ATAD3A: variants seen among roughly 807,000 people sequenced by gnomAD.
ATAD3A encodes the protein ATPase family AAA domain containing 3A.
In ATAD3A, 46 loss-of-function variants were observed where a neutral mutation model predicts 73.8. The ratio of observed to expected loss-of-function variants is 0.62; its 90% CI spans 0.49 to 0.80. The LOEUF (loss-of-function observed/expected upper bound fraction) is 0.80, where lower values mean the gene tolerates loss of function less well. Among genes scored for constraint, ATAD3A ranks in the 30% least tolerant of loss-of-function variants. The probability of loss-of-function intolerance (pLI) is 0.00; values close to 1 mark genes in which losing one functional copy is unlikely to be tolerated. For missense variants in ATAD3A, 705 were observed against 838.0 expected, an observed-to-expected ratio of 0.84 and a Z score of 1.96; for synonymous variants, 319 against 350.0, an observed-to-expected ratio of 0.91 and a Z score of 0.99.
chr1:1,513,654 C>T (rs1641267672), intron 1 of ATAD3A, among the ~76,000 whole-genome samples: 1 of 152,136 alleles, frequency 6.6e-6, no homozygotes, highest in Admixed American at 6.5e-5. Flanking sequence ...CCTTCCTGGC[C>T]TCACTGCTGG....
intron 14 of ATAD3A, among the ~76,000 whole-genome samples, chr1:1,528,667 C>T (rs1272076868): frequency 6.6e-6 from 1 of 152,252 alleles, no homozygotes; most frequent in Non-Finnish European, 1.5e-5. Context: ...TGAGCAGAGG[C>T]TGCTCCACTT....
Position 1,524,042 on chromosome 1 carries a change from T to C in ATAD3A, c.1089+78T>C, listed in dbSNP as rs537566149. 2,830 of 1,604,956 alleles carry C rather than the reference T, an allele frequency of 1.8e-3. 25 individuals are homozygous for C. In the African/African-American group the frequency reaches 0.024, roughly 14 times the overall value. ...CCTGCAGGTGTCTGGGGGGCTCAGC[T>C]GCCTGGGGAATGGACCCCCCTTAGG... On this transcript the variant is annotated intron_variant, in intron 10 of 15. Transcript: ENST00000378756.
At chr1:1,516,968 TC>T in intron 2 of ATAD3A, 2 of 1,039,766 alleles carry the variant, frequency 1.9e-6, no homozygotes, top group Non-Finnish European at 2.7e-6. Context: ...CACTTTGGCC[TC>T]CCAAAGTGCT....
At chr1:1,532,944 C>A (rs1642083020) in intron 15 of ATAD3A, among the ~76,000 whole-genome samples, 3 of 152,204 alleles carry the variant, frequency 2.0e-5, no homozygotes, top group Non-Finnish European at 2.9e-5. Flanking sequence ...GCTCCCGGGC[C>A]CCCGACCCAC....
At chr1:1,525,141 G>A in intron 11 of ATAD3A, 99 bp from the exon 12 acceptor site, 1 of 1,511,028 alleles carries the variant, frequency 6.6e-7, no homozygotes, top group South Asian at 1.1e-5. Flanking sequence ...TGACCCCGTG[G>A]GGATCTGCCT....
intron 1 of ATAD3A, 24 bp downstream of exon 1, chr1:1,512,497 C>CGGGGCGGGGCGG (rs1557452502): frequency 1.4e-6 from 1 of 707,650 alleles, no homozygotes; most frequent in African/African-American, 5.4e-5. Flanking sequence ...GGCGGGGCGG[C>CGGGGCGGGGCGG]GCGGGCGGGC....
Position 1,522,904 on chromosome 1 carries a change from C to T in ATAD3A, c.906+5C>T, listed in dbSNP as rs754494286. 9 of 1,606,660 alleles carry T rather than the reference C, an allele frequency of 5.6e-6. No homozygotes were observed. The South Asian group carries it at 1.0e-4, about 18-fold the overall frequency. On this transcript the variant is annotated splice_donor_5th_base_variant and intron_variant, in intron 8 of 15. Coordinates refer to ENST00000378756, the MANE Select transcript of ATAD3A (RefSeq NM_001170535.3). ...GCGCTGCGGCACCCCATCCAGGTAG[C>T]AGCGCAGGCCTGGCCCTCCCTGAGT...
In ATAD3A at chr1:1,526,453, C is replaced by T; in HGVS notation, c.1267-8C>T. The T allele has an allele frequency of 2.5e-6, 4 of 1,609,442 alleles. No individual in the cohort carries two copies. The highest frequency in any genetic ancestry group is 3.4e-6 in the Non-Finnish European group (4 of 1,177,672). ...CTGGTGCCTAAGGCTGGAACCTTCT[C>T]TCTGCAGGAGAAGATAAGCGAGGAC... is the stretch of plus-strand genomic sequence containing the variant. On this transcript the variant is annotated splice_polypyrimidine_tract_variant and splice_region_variant and intron_variant, in intron 12 of 15. Coordinates refer to ENST00000378756, the MANE Select transcript of ATAD3A (RefSeq NM_001170535.3).
At chr1:1,517,019 C>T in intron 2 of ATAD3A, 9 of 1,410,584 alleles carry the variant, frequency 6.4e-6, no homozygotes, top group Non-Finnish European at 8.5e-6. Context: ...GTCCACTCAG[C>T]AGGATTCCTA....
At position 1,534,104 on chromosome 1, in the gene ATAD3A, T is replaced by G. The variant is rs1642137729; in HGVS notation, c.*32T>G. 1 of 1,613,136 alleles carries G rather than the reference T, an allele frequency of 6.2e-7. No homozygotes were observed. The highest frequency in any genetic ancestry group is 8.5e-7 in the Non-Finnish European group (1 of 1,179,762). On this transcript the variant is annotated 3_prime_UTR_variant, in exon 16 of 16. Coordinates refer to ENST00000378756, the MANE Select transcript of ATAD3A (RefSeq NM_001170535.3). ...AGGGAGATCCACAGCTCACGGAGCCTGGCCGCGGACCCCTCCCACCCCTGC... is the reference window on the plus strand; with the variant it reads ...AGGGAGATCCACAGCTCACGGAGCCGGGCCGCGGACCCCTCCCACCCCTGC...
intron 15 of ATAD3A, among the ~76,000 whole-genome samples, chr1:1,533,498 A>G (rs1642105078): frequency 6.6e-6 from 1 of 152,164 alleles, no homozygotes; most frequent in Admixed American, 6.5e-5. Context: ...ATGTGCCTCA[A>G]GGTGGGCAGT....
In ATAD3A at chr1:1,518,980, C is replaced by A; in HGVS notation, c.504C>A (p.Ala168=). ...KQEESVQKQE[A]MRRATVEREM... Reference sequence around the variant, plus strand: ...AGGAGTCCGTGCAGAAGCAGGAAGCCATGCGGCGAGGTAGGCTGTCTGCTC... The same window carrying A: ...AGGAGTCCGTGCAGAAGCAGGAAGCAATGCGGCGAGGTAGGCTGTCTGCTC... Residue 168 remains alanine, a synonymous_variant, in exon 5 of 16, where the codon GCC becomes GCA. Transcript: ENST00000378756. The A allele has an allele frequency of 6.2e-7, 1 of 1,614,156 alleles. No homozygotes were observed. The highest frequency in any genetic ancestry group is 2.2e-5 in the East Asian group (1 of 44,880).
intron 15 of ATAD3A, among the ~76,000 whole-genome samples, chr1:1,531,456 C>A (rs183239024): frequency 4.1e-5 from 6 of 147,038 alleles, no homozygotes; most frequent in African/African-American, 1.5e-4. Context: ...TCCCAAAAAA[C>A]GAAAACGAAA....
At chr1:1,522,455 C>T (rs1285037102) in intron 7 of ATAD3A, among the ~76,000 whole-genome samples, 3 of 152,236 alleles carry the variant, frequency 2.0e-5, no homozygotes, top group South Asian at 4.1e-4. Flanking sequence ...CTGTGACATC[C>T]GGCTGGGTCT....
chr1:1,520,403 C>A lies in ATAD3A; in HGVS notation c.680+97C>A, dbSNP rs1641547825. The A allele has an allele frequency of 3.1e-6, 5 of 1,592,472 alleles. No individual in the cohort carries two copies. The highest frequency in any genetic ancestry group is 4.3e-6 in the Non-Finnish European group (5 of 1,166,280). ...TCTCCAGCTCTTCCAGGCCTTGCCG[C>A]CGTAGGCTGACTCCTTGGTGGGGGC... On this transcript the variant is annotated intron_variant, in intron 6 of 15. Transcript: ENST00000378756. The surrounding 1 kb of genome is among the most constrained non-coding windows in gnomAD (Gnocchi z 4.0).
intron 14 of ATAD3A, among the ~76,000 whole-genome samples, chr1:1,528,120 T>C (rs1641914399): frequency 6.6e-6 from 1 of 151,990 alleles, no homozygotes; most frequent in African/African-American, 2.4e-5. Flanking sequence ...CCACCATGCC[T>C]GGCTAATTTT....
At chr1:1,516,561 C>T (rs140982864) in intron 2 of ATAD3A, among the ~76,000 whole-genome samples, 3,424 of 152,106 alleles carry the variant, frequency 0.023, 128 homozygotes, top group African/African-American at 0.077. Context: ...TACAGGCACC[C>T]GCCACCACAC....
At chr1:1,513,924 G>C (rs1421777081) in intron 1 of ATAD3A, among the ~76,000 whole-genome samples, 1 of 151,934 alleles carries the variant, frequency 6.6e-6, no homozygotes, top group African/African-American at 2.4e-5. Context: ...ATGCCGCCTG[G>C]TTCCCAGAGT....
intron 15 of ATAD3A, among the ~76,000 whole-genome samples, chr1:1,531,794 A>T (rs976465121): frequency 2.6e-5 from 4 of 151,410 alleles, no homozygotes; most frequent in African/African-American, 9.7e-5. Flanking sequence ...AAAAAAATAA[A>T]AAATAAAATA....
Sources: gnomAD v4.1 joint callset for allele counts (sites outside exome capture counted in the v4.1 genomes callset) on GRCh38, gnomAD v4.1.1 for gene constraint, Gnocchi (gnomAD v3.1) non-coding constraint, MANE v1.5 for transcripts, NCBI Gene and HGNC (gene_info 2026-07-23, HGNC 2026-07-21) for gene names.